NOP56: variants seen among roughly 807,000 people sequenced by gnomAD.
NOP56 encodes nucleolar protein 56.
A neutral mutation model predicts 58.3 loss-of-function variants in NOP56; 31 were observed. The ratio of observed to expected loss-of-function variants is 0.53; its 90% CI spans 0.40 to 0.72. The LOEUF (loss-of-function observed/expected upper bound fraction) is 0.72, where lower values mean the gene tolerates loss of function less well. NOP56 is among the 30% of genes least tolerant of loss of function. The pLI is 0.00. For synonymous variants in NOP56, 313 were observed against 282.8 expected (o/e 1.11, Z -1.07); for missense variants, 669 against 739.9 (o/e 0.90, Z 1.11).
At chr20:2,657,489 G>C in intron 11 of NOP56, 1 of 661,254 alleles carries the variant, frequency 1.5e-6, no homozygotes. Context: ...TCAACCTGGG[G>C]TAGTGTAAAT....
chr20:2,654,655 G>T, intron 4 of NOP56, 80 bp downstream of exon 4: 5 of 1,606,592 alleles, frequency 3.1e-6, no homozygotes, highest in Non-Finnish European at 4.3e-6. Flanking sequence ...TGCTTGTTGT[G>T]ATTTCTGGGA....
At chr20:2,653,252 A>G (rs1158776446) in intron 2 of NOP56, 27 bp from the exon 3 acceptor site, 2 of 1,578,142 alleles carry the variant, frequency 1.3e-6, no homozygotes, top group Non-Finnish European at 1.7e-6. Context: ...GAGGGAAGGA[A>G]ACCACTTAGC....
intron 11 of NOP56, chr20:2,657,455 T>C: frequency 1.4e-6 from 1 of 714,036 alleles, no homozygotes. Flanking sequence ...GTGTGTTCTG[T>C]CCTCGGCTGC....
intron 3 of NOP56, 74 bp from the exon 4 acceptor site, chr20:2,654,340 G>C: frequency 1.3e-6 from 2 of 1,545,160 alleles, no homozygotes; most frequent in Non-Finnish European, 8.9e-7. Flanking sequence ...GGTGGGACCA[G>C]GGTAGTCAGC....
intron 2 of NOP56, 144 bp from the exon 3 acceptor site, chr20:2,653,135 C>G (rs1468002827): frequency 1.3e-5 from 11 of 826,344 alleles, no homozygotes; most frequent in Non-Finnish European, 2.0e-5. Flanking sequence ...GGACGCCGCC[C>G]CCGAACGATT....
intron 4 of NOP56, 62 bp from the exon 5 acceptor site, chr20:2,654,687 G>A: frequency 1.2e-6 from 2 of 1,606,740 alleles, no homozygotes; most frequent in Non-Finnish European, 1.7e-6. Flanking sequence ...CTGGGCTGGT[G>A]CCCGTGGGTG....
chr20:2,655,425 A>G lies in NOP56; in HGVS notation c.670A>G (p.Asn224Asp). Residue 224 changes from asparagine (N) to aspartate (D), a missense_variant, in exon 6 of 12, where the codon AAT (asparagine) becomes GAT (aspartate). Around this residue, in one of 3 missense-constraint regions of NOP56, gnomAD observed 339 missense variants for 430.5 expected, o/e 0.79. Transcript: ENST00000329276. ...AQFIGNRREL[N>D]EDKLEKLEEL... ...GTTTATTGGAAACCGAAGGGAACTG[A>G]ATGAGGACAAGCTGGAGAAGCTGGA... 6.2e-7 allele frequency: 1 copy of G among 1,614,130 alleles called. No homozygotes were observed. Among genetic ancestry groups the G allele is most frequent in the Non-Finnish European group, 8.5e-7 (1 of 1,180,020 alleles).
In NOP56 at chr20:2,654,889, T is replaced by G; in HGVS notation, c.511T>G (p.Ser171Ala). The stretch of plus-strand genomic sequence containing the variant: ...CCGGGTGGACAATATGATCATCCAG[T>G]CCATTAGCCTCCTGGACCAGCTGGA... ...VNRVDNMIIQ[S>A]ISLLDQLDKD... The change falls in exon 5 of 12, where the codon TCC becomes GCC. Residue 171 changes from serine (S) to alanine (A), a missense_variant. This residue lies in a region of NOP56 where 339 missense variants were observed against 430.5 expected (regional missense o/e 0.79). Coordinates refer to ENST00000329276, the MANE Select transcript of NOP56 (RefSeq NM_006392.4). 1 of 1,614,208 alleles carries G rather than the reference T, an allele frequency of 6.2e-7. No individual in the cohort carries two copies. The highest frequency in any genetic ancestry group is 8.5e-7 in the Non-Finnish European group (1 of 1,180,040).
At chr20:2,654,362 A>C in intron 3 of NOP56, 52 bp from the exon 4 acceptor site, 65 of 1,597,568 alleles carry the variant, frequency 4.1e-5, no homozygotes, top group Non-Finnish European at 5.0e-5. Context: ...GAGGGATGTT[A>C]GAGTTGATCG....
At position 2,656,392 on chromosome 20, in the gene NOP56, T is replaced by G; in HGVS notation, c.1011-9T>G. The G allele has an allele frequency of 6.2e-7, 1 of 1,614,086 alleles. No individual in the cohort carries two copies. The highest frequency in any genetic ancestry group is 8.5e-7 in the Non-Finnish European group (1 of 1,180,000). The stretch of plus-strand genomic sequence containing the variant: ...CTGATCTTAAACTCTCCACTGAATA[T>G]TCTCTCAGAGCCCTGAAGACAAGGG... On this transcript the variant is annotated splice_polypyrimidine_tract_variant and intron_variant, in intron 8 of 11. Transcript: ENST00000329276.
Position 2,654,898 on chromosome 20 carries a change from C to T in NOP56, c.520C>T (p.Leu174Phe). Residue 174 changes from leucine (L) to phenylalanine (F), a missense_variant, in exon 5 of 12, where the codon CTC becomes TTC. Coordinates refer to ENST00000329276, the MANE Select transcript of NOP56 (RefSeq NM_006392.4). ...CAATATGATCATCCAGTCCATTAGC[C>T]TCCTGGACCAGCTGGATAAGGACAT... ...VDNMIIQSISLLDQLDKDINT... is the reference protein window; with the variant it reads ...VDNMIIQSISFLDQLDKDINT... 1.2e-6 allele frequency: 2 copies of T among 1,614,218 alleles called. No individual in the cohort carries two copies. Among genetic ancestry groups the T allele is most frequent in the Non-Finnish European group, 1.7e-6 (2 of 1,180,038 alleles).
Position 2,653,374 on chromosome 20 carries a change from T to C in NOP56, c.189T>C (p.Asn63=), listed in dbSNP as rs2086776401. ...CCTCATCCCAGGTTGCCTTGGAAAA[T>C]GCCAACGCCGTGTCTGAAGGTAAGT... The part of the protein sequence containing the change: ...PFASSQVALE[N]ANAVSEGVVH... Residue 63 remains asparagine (N), a synonymous_variant, in exon 3 of 12, where the codon AAT becomes AAC. Transcript: ENST00000329276. 1 of 1,614,058 alleles carries C rather than the reference T, an allele frequency of 6.2e-7. No homozygotes were observed. Among genetic ancestry groups the C allele is most frequent in the East Asian group, 2.2e-5 (1 of 44,884 alleles).
rs1024074874 is a variant in NOP56 at position 2,653,298 on chromosome 20, A to G, written c.113A>G (p.Asn38Ser). 6.2e-7 allele frequency: 1 copy of G among 1,614,146 alleles called. No individual in the cohort carries two copies. The highest frequency in any genetic ancestry group is 2.2e-5 in the East Asian group (1 of 44,874). The change falls in exon 3 of 12, where the codon AAC becomes AGC. Residue 38 changes from asparagine (N) to serine (S), a missense_variant. Physicochemically the swap from Asn to Ser is conservative, Grantham distance 46. Around this residue, in one of 3 missense-constraint regions of NOP56, gnomAD observed 121 missense variants for 113.1 expected, o/e 1.07. Coordinates refer to ENST00000329276, the MANE Select transcript of NOP56 (RefSeq NM_006392.4). ...CCCCAGGTGGAGGAGTCTGTGCTCA[A>G]CCTGGGCAAATTCCACAGCATCGTT... ...LQPQVEESVL[N>S]LGKFHSIVRL...
At chr20:2,652,717 G>T in intron 1 of NOP56, 54 bp downstream of exon 1, 2 of 1,502,320 alleles carry the variant, frequency 1.3e-6, no homozygotes. Flanking sequence ...TTCGGCCTGC[G>T]TTCGGGCCGC....
At chr20:2,657,708 G>T (rs1479960758) in intron 11 of NOP56, 1 of 485,878 alleles carries the variant, frequency 2.1e-6, no homozygotes, top group Non-Finnish European at 3.6e-6. Context: ...TGTTTTTTAG[G>T]TTTTTTTTTT....
At chr20:2,655,276 G>C (rs780202748) in intron 5 of NOP56, 49 bp from the exon 6 acceptor site, 3 of 1,608,110 alleles carry the variant, frequency 1.9e-6, no homozygotes, top group Middle Eastern at 1.7e-4. Context: ...GTAGCTCTAT[G>C]GTTTTTGATG....
intron 4 of NOP56, 61 bp downstream of exon 4, chr20:2,654,636 A>C: frequency 6.2e-7 from 1 of 1,608,124 alleles, no homozygotes; most frequent in Non-Finnish European, 8.5e-7. Flanking sequence ...GAGGTTCTGG[A>C]AACTTGGTTG....
chr20:2,654,742 TTC>T lies in NOP56; in HGVS notation c.371-5_371-4del. ...CCTTGTTGCTCACCGTCTTGCCCTC[TTC>T]TTAGGAGTTCGTCTGCACTTCCACA... On this transcript the variant is annotated splice_region_variant and splice_polypyrimidine_tract_variant and intron_variant, in intron 4 of 11. Transcript: ENST00000329276. 1 of 1,610,266 alleles carries T rather than the reference TTC, an allele frequency of 6.2e-7. No individual in the cohort carries two copies. Among genetic ancestry groups the T allele is most frequent in the Non-Finnish European group, 8.5e-7 (1 of 1,176,864 alleles).
At chr20:2,654,392 G>A (rs563424126) in intron 3 of NOP56, 22 bp from the exon 4 acceptor site, 4 of 1,613,944 alleles carry the variant, frequency 2.5e-6, no homozygotes, top group Admixed American at 3.3e-5. Context: ...CTGTTAGTGG[G>A]AACTGTGTTC....
Sources: allele counts gnomAD v4.1 joint callset, GRCh38; gene constraint gnomAD v4.1.1; regional missense constraint gnomAD v4.1.1; transcripts MANE v1.5; gene names NCBI Gene and HGNC (gene_info 2026-07-23, HGNC 2026-07-21).